The following LNPEP variants were observed in gnomAD, a reference collection of about 807,000 sequenced individuals.
LNPEP encodes leucyl-cystinyl aminopeptidase.
Under a neutral mutation model 120.6 loss-of-function variants are expected in LNPEP, and 64 were observed. The ratio of observed to expected loss-of-function variants is 0.53; its 90% confidence interval spans 0.43 to 0.65. LNPEP has a LOEUF of 0.65. Among genes scored for constraint, LNPEP ranks in the 30% least tolerant of loss-of-function variants. The pLI is 0.00. For synonymous variants in LNPEP, 435 were observed against 425.4 expected, an observed-to-expected ratio of 1.02 and a Z score of -0.28; for missense variants, 1,057 against 1,200.0, an observed-to-expected ratio of 0.88 and a Z score of 1.76.
intron 9 of LNPEP, 68 bp downstream of exon 9, chr5:97,003,614 T>G: frequency 8.8e-7 from 1 of 1,136,322 alleles, no homozygotes. Flanking sequence ...TTTATACTTT[T>G]TAGCATGTGT....
In LNPEP at chr5:97,006,192, C is replaced by T; in HGVS notation, c.1905C>T (p.Phe635=). ...AACTTTTTATACAACAAGAGAGATT[C>T]TTTTTAAATATGAAGCCTGAAATTC... is the stretch of plus-strand genomic sequence containing the variant. ...GKELFIQQER[F]FLNMKPEIQP... is the part of the protein sequence containing the mutation. Residue 635 remains phenylalanine, a synonymous_variant, in exon 10 of 18, where the codon TTC becomes TTT. Coordinates refer to ENST00000231368, the MANE Select transcript of LNPEP (RefSeq NM_005575.3). 1 of 1,604,242 alleles carries T rather than the reference C, an allele frequency of 6.2e-7. No homozygotes were observed. The highest frequency in any genetic ancestry group is 8.5e-7 in the Non-Finnish European group (1 of 1,176,328).
At chr5:97,000,516 T>C (rs924457060) in intron 8 of LNPEP, among the ~76,000 whole-genome samples, 1 of 152,136 alleles carries the variant, frequency 6.6e-6, no homozygotes, top group African/African-American at 2.4e-5. Flanking sequence ...TCCTTCTGGG[T>C]GTCTGGAGTT....
chr5:96,952,622 C>T (rs1442213105), intron 1 of LNPEP, among the ~76,000 whole-genome samples: 4 of 152,110 alleles, frequency 2.6e-5, no homozygotes, highest in Admixed American at 6.5e-5. Flanking sequence ...TGGTTATGTG[C>T]GGATTCTACC....
At chr5:97,015,236 T>G (rs1582029556) in intron 13 of LNPEP, 141 bp downstream of exon 13, 1 of 532,162 alleles carries the variant, frequency 1.9e-6, no homozygotes, top group East Asian at 3.3e-5. Context: ...AATCTTTACT[T>G]AAAATCAAGA....
At chr5:96,988,047 G>T (rs1239403079) in intron 4 of LNPEP, among the ~76,000 whole-genome samples, 2 of 151,928 alleles carry the variant, frequency 1.3e-5, no homozygotes, top group African/African-American at 4.8e-5. Flanking sequence ...CTTTTTTGTA[G>T]TTCTTAATAC....
intron 1 of LNPEP, among the ~76,000 whole-genome samples, chr5:96,954,095 G>A (rs180721905): frequency 6.6e-6 from 1 of 152,256 alleles, no homozygotes; most frequent in East Asian, 1.9e-4. Context: ...ATTGGGTTAT[G>A]GCATGCTAAA....
intron 1 of LNPEP, among the ~76,000 whole-genome samples, chr5:96,954,019 A>G (rs1789383266): frequency 6.6e-6 from 1 of 152,202 alleles, no homozygotes. Flanking sequence ...TTGCTAGTGT[A>G]TACTCTGTAT....
In LNPEP at chr5:96,967,234, A is replaced by G. The variant is rs1356983630; in HGVS notation, c.20-11904A>G. 2.6e-5 allele frequency among the ~76,000 whole-genome samples: 4 copies of G among 152,132 alleles called. No homozygotes were observed. In the East Asian group the frequency reaches 5.8e-4, roughly 22 times the overall value. ...TTAAGTGTCTCTAAAGGCCATGTTC[A>G]TGTACTATACTGCATTTACACAGTA... On this transcript the variant is annotated intron_variant, in intron 1 of 17. Coordinates refer to ENST00000231368, the MANE Select transcript of LNPEP (RefSeq NM_005575.3).
intron 11 of LNPEP, among the ~76,000 whole-genome samples, chr5:97,012,756 T>G (rs1582027440): frequency 6.6e-6 from 1 of 152,270 alleles, no homozygotes; most frequent in South Asian, 2.1e-4. Flanking sequence ...CTCTCAGCGC[T>G]TCATTATTGG....
intron 1 of LNPEP, among the ~76,000 whole-genome samples, chr5:96,975,869 G>A (rs1028094181): frequency 5.3e-5 from 8 of 152,138 alleles, no homozygotes; most frequent in African/African-American, 1.9e-4. Flanking sequence ...CTAGTTCACA[G>A]TATCTGATGA....
intron 1 of LNPEP, among the ~76,000 whole-genome samples, chr5:96,961,620 C>T (rs1053745694): frequency 5.3e-5 from 8 of 152,142 alleles, no homozygotes; most frequent in Middle Eastern, 3.4e-3. Context: ...CCTCAGTATC[C>T]TCTGAGGATT....
chr5:96,979,868 C>T lies in LNPEP; in HGVS notation c.750C>T (p.Ala250=), dbSNP rs763667567. The change falls in exon 2 of 18, where the codon GCC becomes GCT. Residue 250 remains alanine (A), a synonymous_variant. Transcript: ENST00000231368. ...HGQIAIVAPE[A]LLAGHNYTLK... Reference sequence around the variant, plus strand: ...AGATCGCCATTGTTGCCCCCGAAGCCCTTCTAGCAGGGCACAATTATACGT... The same window carrying T: ...AGATCGCCATTGTTGCCCCCGAAGCTCTTCTAGCAGGGCACAATTATACGT... The T allele has an allele frequency of 6.8e-6, 11 of 1,613,798 alleles. No homozygotes were observed. The highest frequency in any genetic ancestry group is 1.7e-5 in the Admixed American group (1 of 59,954).
chr5:96,950,543 G>T (rs1789296579), intron 1 of LNPEP, among the ~76,000 whole-genome samples: 2 of 152,224 alleles, frequency 1.3e-5, no homozygotes, highest in South Asian at 4.1e-4. Flanking sequence ...TTGTCAACTG[G>T]GCAAAGCCAC....
intron 1 of LNPEP, among the ~76,000 whole-genome samples, chr5:96,971,252 G>A (rs953104008): frequency 1.3e-5 from 2 of 151,730 alleles, no homozygotes; most frequent in Non-Finnish European, 2.9e-5. Context: ...TTGTTCATCT[G>A]TATGTAGCAT....
At chr5:97,008,337 G>GTTTTTTTTTGTTTTTTT (rs1790838671) in intron 11 of LNPEP, among the ~76,000 whole-genome samples, 1 of 59,824 alleles carries the variant, frequency 1.7e-5, no homozygotes, top group African/African-American at 7.5e-5. Flanking sequence ...GTTTTTTCTT[G>GTTTTTTTTTGTTTTTTT]TTTTTTTTTT....
chr5:96,993,120 C>G lies in LNPEP; in HGVS notation c.1237C>G (p.Pro413Ala). 6.3e-7 allele frequency: 1 copy of G among 1,585,094 alleles called. No homozygotes were observed. Among genetic ancestry groups the G allele is most frequent in the Non-Finnish European group, 8.6e-7 (1 of 1,163,280 alleles). ...FFQNYFEIQY[P>A]LKKLDLVAIP... ...TCAAAACTACTTTGAAATTCAGTAC[C>G]CACTTAAGAAATTGGGTAAGAATCA... Residue 413 changes from proline (P) to alanine (A), a missense_variant, in exon 5 of 18, where the codon CCA becomes GCA. Pro to Ala is a conservative substitution (Grantham distance 27). Transcript: ENST00000231368.
intron 1 of LNPEP, among the ~76,000 whole-genome samples, chr5:96,959,448 G>A (rs969453668): frequency 6.6e-6 from 1 of 152,158 alleles, no homozygotes; most frequent in Admixed American, 6.5e-5. Context: ...AGTTGAGGAA[G>A]AGATAGGAAT....
chr5:97,013,074 C>T (rs1295093168), intron 11 of LNPEP, among the ~76,000 whole-genome samples: 2 of 152,074 alleles, frequency 1.3e-5, no homozygotes, highest in African/African-American at 4.8e-5. Context: ...TTTCTCCCTC[C>T]CTCTTTCCTC....
chr5:96,968,593 T>C (rs1789784425), intron 1 of LNPEP, among the ~76,000 whole-genome samples: 1 of 152,080 alleles, frequency 6.6e-6, no homozygotes, highest in Admixed American at 6.6e-5. Context: ...GCGTACTCTT[T>C]TAGGGAGAGT....
Sources: gnomAD v4.1 joint callset for allele counts (sites outside exome capture counted in the v4.1 genomes callset) on GRCh38, gnomAD v4.1.1 for gene constraint, MANE v1.5 for transcripts, NCBI Gene and HGNC (gene_info 2026-07-23, HGNC 2026-07-21) for gene names.